ADGRD2: variants seen among roughly 807,000 people sequenced by gnomAD.
ADGRD2 encodes the protein adhesion G protein-coupled receptor D2, also known as G protein-coupled receptor PGR24.
ADGRD2 carries 71 observed loss-of-function variants against 44.4 expected under a neutral mutation model. That is an observed-to-expected ratio of 1.60 (90% CI 1.32 to 1.95). The LOEUF (loss-of-function observed/expected upper bound fraction) is 1.95. Among genes scored for constraint, ADGRD2 ranks in the 30% most tolerant of loss-of-function variants. ADGRD2 has a pLI of 0.00. For missense variants in ADGRD2, 1,039 were observed against 512.4 expected (o/e 2.03, Z -9.92); for synonymous variants, 481 against 224.8 (o/e 2.14, Z -10.19).
At chr9:124,465,758 G>A (rs986202279) in intron 10 of ADGRD2, 1 of 152,204 alleles carries the variant, frequency 6.6e-6, no homozygotes, top group Admixed American at 6.5e-5. Flanking sequence ...GTGACTCCAG[G>A]CTCCTCCCAG....
chr9:124,470,848 G>A (rs1422865224), intron 17 of ADGRD2, among the ~76,000 whole-genome samples: 1 of 152,248 alleles, frequency 6.6e-6, no homozygotes, highest in Non-Finnish European at 1.5e-5. Context: ...CAGCTGGGAA[G>A]GCTGAGACCC....
chr9:124,453,682 A>ACCCCCCCCCCCC lies in ADGRD2; in HGVS notation c.923+9_923+10insCCCCCCCCCCCC. ...GGTGCGCCTTCTCTGTCCCGGTACG[A>ACCCCCCCCCCCC]CCCGCCCCGCCCCGGCCCCACCCCA... On this transcript the variant is annotated splice_region_variant and intron_variant, in intron 3 of 21. Transcript: ENST00000334810. 1.4e-6 allele frequency: 1 copy of ACCCCCCCCCCCC among 690,458 alleles called. No homozygotes were observed. Among genetic ancestry groups the ACCCCCCCCCCCC allele is most frequent in the Admixed American group, 2.0e-5 (1 of 48,964 alleles). The allele number at this position is 690,458 out of a possible 1,614,324, so 42.8% of individuals were successfully genotyped here.
intron 7 of ADGRD2, among the ~76,000 whole-genome samples, chr9:124,457,263 C>T (rs1320579808): frequency 1.3e-5 from 2 of 152,226 alleles, no homozygotes; most frequent in Non-Finnish European, 1.5e-5. Context: ...TCCTGCCTCG[C>T]GGTGACCGCC....
At chr9:124,452,529 G>A in exon 2 of ADGRD2, 2 of 718,590 alleles carry the variant, frequency 2.8e-6, no homozygotes, top group Non-Finnish European at 2.6e-6. Context: ...CCGCCGGCGA[G>A]GTGGTGAAGA....
chr9:124,451,301 G>A, upstream of ADGRD2: 4 of 456,178 alleles, frequency 8.8e-6, no homozygotes, highest in South Asian at 6.3e-5. Context: ...CCCACCCGCT[G>A]CAGGGACCCT....
intron 10 of ADGRD2, among the ~76,000 whole-genome samples, chr9:124,462,472 C>A (rs1831739825): frequency 6.6e-6 from 1 of 152,204 alleles, no homozygotes; most frequent in Non-Finnish European, 1.5e-5. Flanking sequence ...CTAGTATTTT[C>A]ATTAACATCG....
At position 124,454,811 on chromosome 9, in the gene ADGRD2, A is replaced by G. The variant is rs1297143967; in HGVS notation, c.1109-32A>G. 1 of 658,620 alleles carries G rather than the reference A, an allele frequency of 1.5e-6. No homozygotes were observed. Among genetic ancestry groups the G allele is most frequent in the Non-Finnish European group, 2.8e-6 (1 of 358,658 alleles). The allele number at this position is 658,620 out of a possible 1,614,324, so 40.8% of individuals were successfully genotyped here. A position where few individuals can be genotyped will look rare whatever the true frequency, so the allele number is the denominator to read the frequency against. ...TTGGGGGGATCCCCTCATAACAACC[A>G]GACCCAGAGTCAGTGGCTCCTCTGT... On this transcript the variant is annotated intron_variant, in intron 5 of 21. Transcript: ENST00000334810. The surrounding 1 kb of genome is among the most constrained non-coding windows in gnomAD (Gnocchi z 4.5).
intron 10 of ADGRD2, 89 bp from the exon 14 acceptor site, chr9:124,466,169 G>A (rs1831818821): frequency 4.0e-6 from 2 of 498,128 alleles, no homozygotes; most frequent in Admixed American, 7.1e-5. Context: ...GCTGGTTAGA[G>A]GCAGGGCAGT....
upstream of ADGRD2, among the ~76,000 whole-genome samples, chr9:124,450,660 C>G: frequency 6.6e-6 from 1 of 152,190 alleles, no homozygotes; most frequent in Non-Finnish European, 1.5e-5. Flanking sequence ...GTTTGGAGAG[C>G]AAGAAAAGTG....
chr9:124,465,824 G>A (rs1281769075), intron 10 of ADGRD2: 1 of 153,186 alleles, frequency 6.5e-6, no homozygotes, highest in Non-Finnish European at 1.5e-5. Flanking sequence ...TGAGCTCCTT[G>A]TCATAGGAGT....
chr9:124,477,203 G>A, intron 21 of ADGRD2: 1 of 386,224 alleles, frequency 2.6e-6, no homozygotes, highest in South Asian at 1.9e-5. Flanking sequence ...GACGGGGGCT[G>A]AGCAGTGGCA....
intron 10 of ADGRD2, 198 bp from the exon 14 acceptor site, chr9:124,466,060 G>C (rs1458393724): frequency 3.7e-5 from 15 of 408,482 alleles, no homozygotes; most frequent in Non-Finnish European, 5.3e-5. Context: ...CAGTCACTGG[G>C]ATCAGCCCTG....
rs1588601945 is a variant in ADGRD2, at chr9:124,458,318, A to T, written c.1764+82A>T. 4 of 691,920 alleles carry T rather than the reference A, an allele frequency of 5.8e-6. No individual in the cohort carries two copies. The East Asian group carries it at 1.1e-4, about 19-fold the overall frequency. The allele number at this position is 691,920 out of a possible 1,614,324, so 42.9% of individuals were successfully genotyped here. On this transcript the variant is annotated intron_variant, in intron 9 of 21. Coordinates refer to ENST00000334810, the Ensembl canonical transcript of ADGRD2. Reference sequence around the variant, plus strand: ...CCAAAGCCCCCGTTCTGGTGGGCGCATGTGTCCTTAGCAGCCCAGGGCCCA... The same window carrying T: ...CCAAAGCCCCCGTTCTGGTGGGCGCTTGTGTCCTTAGCAGCCCAGGGCCCA...
chr9:124,453,035 G>T, exon 3 of ADGRD2: 1 of 659,470 alleles, frequency 1.5e-6, no homozygotes, highest in South Asian at 1.7e-5. Context: ...GTCCCTGCAG[G>T]TGCGCGCACC....
exon 17 of ADGRD2, chr9:124,470,611 C>G: frequency 1.4e-6 from 1 of 704,834 alleles, no homozygotes; most frequent in South Asian, 1.5e-5. Flanking sequence ...TCAACTCCAT[C>G]CAGGTACCTC....
At chr9:124,458,681 T>C (rs1283700847) in exon 10 of ADGRD2, 1 of 718,508 alleles carries the variant, frequency 1.4e-6, no homozygotes, top group Non-Finnish European at 2.6e-6. Context: ...ACTGGAGAGG[T>C]CAACGTGGCC....
At chr9:124,473,641 G>A (rs1430518323) in intron 17 of ADGRD2, among the ~76,000 whole-genome samples, 4 of 152,206 alleles carry the variant, frequency 2.6e-5, no homozygotes, top group African/African-American at 7.2e-5. Flanking sequence ...GATGCCCAGG[G>A]CCAAAGAATT....
At chr9:124,457,204 C>G (rs2131234055) in intron 7 of ADGRD2, among the ~76,000 whole-genome samples, 1 of 152,334 alleles carries the variant, frequency 6.6e-6, no homozygotes, top group East Asian at 1.9e-4. Flanking sequence ...GGTACAAACA[C>G]GTGTCCTTCG....
At position 124,467,549 on chromosome 9, in the gene ADGRD2, C is replaced by T. The variant is rs1411210766; in HGVS notation, c.2027-172C>T. On this transcript the variant is annotated intron_variant, in intron 11 of 21. Transcript: ENST00000334810. Reference sequence around the variant, plus strand: ...AGAGCCAGCAGGAGAGAAGGACATGCTCACACCTGCTTATTAAATGCCTAC... The same window carrying T: ...AGAGCCAGCAGGAGAGAAGGACATGTTCACACCTGCTTATTAAATGCCTAC... Among the ~76,000 whole-genome samples, 7 of 152,232 alleles carry T rather than the reference C, an allele frequency of 4.6e-5. No individual in the cohort carries two copies. In the South Asian group the frequency reaches 1.2e-3, roughly 27 times the overall value.
Sources: gnomAD v4.1 joint callset for allele counts (sites outside exome capture counted in the v4.1 genomes callset) on GRCh38, gnomAD v4.1.1 for gene constraint, Gnocchi (gnomAD v3.1) non-coding constraint, MANE v1.5 for transcripts, NCBI Gene and HGNC (gene_info 2026-07-23, HGNC 2026-07-21) for gene names.